Variants in MAP4K3 observed in about 807,000 individuals in gnomAD.
MAP4K3 encodes the protein MAPK/ERK kinase kinase kinase 3.
In MAP4K3, 94 loss-of-function variants were observed where a neutral mutation model predicts 143.5. That is an observed-to-expected ratio of 0.65 (90% confidence interval 0.55 to 0.78). MAP4K3 has a LOEUF of 0.78. MAP4K3 is among the 30% of genes least tolerant of loss of function. The probability of loss-of-function intolerance (pLI) is 0.00; values close to 1 mark genes in which losing one functional copy is unlikely to be tolerated. For synonymous variants in MAP4K3, 416 were observed against 347.2 expected, an observed-to-expected ratio of 1.20 and a Z score of -2.20; for missense variants, 1,077 against 1,068.1, an observed-to-expected ratio of 1.01 and a Z score of -0.12.
intron 24 of MAP4K3, among the ~76,000 whole-genome samples, chr2:39,277,384 G>C (rs932505874): frequency 3.3e-5 from 5 of 152,204 alleles, no homozygotes; most frequent in Non-Finnish European, 5.9e-5. Flanking sequence ...CCCCACAGGA[G>C]GTGCTGGTGA....
intron 14 of MAP4K3, among the ~76,000 whole-genome samples, chr2:39,309,081 T>C (rs867188863): frequency 1.3e-5 from 2 of 152,202 alleles, no homozygotes; most frequent in African/African-American, 4.8e-5. Context: ...ATTATGAATT[T>C]GAGAATTACT....
intron 12 of MAP4K3, among the ~76,000 whole-genome samples, chr2:39,317,276 G>A (rs1683142650): frequency 6.6e-6 from 1 of 152,118 alleles, no homozygotes; most frequent in Non-Finnish European, 1.5e-5. Context: ...ATGGATTACA[G>A]ACTTAAATGT....
chr2:39,250,810 G>T, intron 33 of MAP4K3, 105 bp from the exon 34 acceptor site: 1 of 812,136 alleles, frequency 1.2e-6, no homozygotes, highest in Non-Finnish European at 2.0e-6. Flanking sequence ...TATAAATGCT[G>T]CTCATTTGAT....
intron 1 of MAP4K3, among the ~76,000 whole-genome samples, chr2:39,417,611 G>C (rs1667421500): frequency 6.6e-6 from 1 of 152,194 alleles, no homozygotes; most frequent in African/African-American, 2.4e-5. Context: ...TAGATCAAGA[G>C]ATATCAGTTT....
intron 23 of MAP4K3, 142 bp downstream of exon 23, chr2:39,280,130 T>A (rs187673886): frequency 4.0e-5 from 20 of 498,632 alleles, no homozygotes; most frequent in Middle Eastern, 5.5e-4. Flanking sequence ...AAGAAACATA[T>A]TTACCTTAAA....
intron 18 of MAP4K3, 143 bp downstream of exon 18, chr2:39,292,630 T>C (rs1458640782): frequency 1.4e-6 from 1 of 723,164 alleles, no homozygotes; most frequent in Non-Finnish European, 2.5e-6. Flanking sequence ...GTAACTAGAA[T>C]AGAAAAAAGG....
chr2:39,282,458 A>C, intron 22 of MAP4K3, 55 bp downstream of exon 22: 1 of 1,394,742 alleles, frequency 7.2e-7, no homozygotes, highest in Non-Finnish European at 1.0e-6. Flanking sequence ...AAGCAAAGAT[A>C]ACACACACAA....
intron 16 of MAP4K3, 50 bp from the exon 17 acceptor site, chr2:39,293,318 G>T: frequency 1.8e-6 from 2 of 1,086,920 alleles, no homozygotes; most frequent in South Asian, 1.5e-5. Flanking sequence ...ATTATCAAAG[G>T]AATATCGAAT....
intron 1 of MAP4K3, among the ~76,000 whole-genome samples, chr2:39,424,007 G>T (rs926309003): frequency 1.3e-5 from 2 of 151,950 alleles, no homozygotes; most frequent in Admixed American, 6.6e-5. Flanking sequence ...GCAGTGGCAC[G>T]ATCTCAGCTC....
chr2:39,281,911 C>T (rs951785424), intron 22 of MAP4K3, among the ~76,000 whole-genome samples: 10 of 151,612 alleles, frequency 6.6e-5, no homozygotes, highest in East Asian at 1.9e-4. Flanking sequence ...AGGTAAAAAA[C>T]GGCAAGGCGT....
chr2:39,300,122 A>G lies in MAP4K3; in HGVS notation c.1120-321T>C, dbSNP rs564243326. Among the ~76,000 whole-genome samples the G allele has an allele frequency of 9.4e-4, 143 of 152,306 alleles. 1 individual carries two copies. The highest frequency in any genetic ancestry group is 3.1e-3 in the African/African-American group (128 of 41,582). ...CAAATAAGGTGTTTATTCTCCAGTT[A>G]TAATGAAGCAAAAACGTTCAGAGAA... On this transcript the variant is annotated intron_variant, in intron 15 of 33. Transcript: ENST00000263881.
chr2:39,330,591 C>T lies in MAP4K3; in HGVS notation c.530+1326G>A, dbSNP rs544943533. Among the ~76,000 whole-genome samples the T allele has an allele frequency of 9.3e-4, 142 of 152,070 alleles. 1 individual carries two copies. The highest frequency in any genetic ancestry group is 3.1e-3 in the African/African-American group (127 of 41,530). On this transcript the variant is annotated intron_variant, in intron 8 of 33. Transcript: ENST00000263881. ...GAGCTAGAGAATTCAACAGTCCAGGCTGGAACAGGAGGGAAAATGACTCCA... is the reference window on the plus strand; with the variant it reads ...GAGCTAGAGAATTCAACAGTCCAGGTTGGAACAGGAGGGAAAATGACTCCA...
intron 28 of MAP4K3, 42 bp downstream of exon 28, chr2:39,265,161 G>A (rs1227520560): frequency 7.9e-7 from 1 of 1,269,746 alleles, no homozygotes. Flanking sequence ...AGGTTGACAA[G>A]CTTTTATAGT....
rs371761735 is a variant in MAP4K3 at position 39,347,450 on chromosome 2, A to C, written c.246-3998T>G. On this transcript the variant is annotated intron_variant, in intron 3 of 33. Coordinates refer to ENST00000263881, the MANE Select transcript of MAP4K3 (RefSeq NM_003618.4). ...CTAGGACTTCACACAGCTTACAAAAAACAGGTTGAATGACTGTTCTGGGGT... is the reference window on the plus strand; with the variant it reads ...CTAGGACTTCACACAGCTTACAAAACACAGGTTGAATGACTGTTCTGGGGT... 4.6e-5 allele frequency among the ~76,000 whole-genome samples: 7 copies of C among 152,324 alleles called. No individual in the cohort carries two copies. In the East Asian group the frequency reaches 1.4e-3, roughly 29 times the overall value.
chr2:39,269,151 T>C (rs1680906299), intron 26 of MAP4K3, among the ~76,000 whole-genome samples: 1 of 152,016 alleles, frequency 6.6e-6, no homozygotes, highest in Non-Finnish European at 1.5e-5. Context: ...TATATAAAAT[T>C]GTACAGCACA....
chr2:39,401,220 G>A (rs1039634933), intron 1 of MAP4K3, among the ~76,000 whole-genome samples: 11 of 152,054 alleles, frequency 7.2e-5, no homozygotes, highest in African/African-American at 2.4e-4. Context: ...AGGAAGGGGA[G>A]GGGGGTGTCC....
At chr2:39,298,113 T>G (rs1682356425) in intron 16 of MAP4K3, among the ~76,000 whole-genome samples, 2 of 152,038 alleles carry the variant, frequency 1.3e-5, no homozygotes, top group Non-Finnish European at 2.9e-5. Context: ...ACACTAAAAT[T>G]TACTAACAAG....
intron 21 of MAP4K3, among the ~76,000 whole-genome samples, chr2:39,283,282 G>A (rs539220644): frequency 6.6e-6 from 1 of 152,278 alleles, no homozygotes; most frequent in South Asian, 2.1e-4. Context: ...ATGTATGAGA[G>A]CTCCTGGTTC....
At chr2:39,416,087 G>T (rs1169807529) in intron 1 of MAP4K3, among the ~76,000 whole-genome samples, 1 of 142,934 alleles carries the variant, frequency 7.0e-6, no homozygotes, top group South Asian at 2.2e-4. Context: ...CATACTAACT[G>T]GGTAACTCAT....
Sources: gnomAD v4.1 joint callset for allele counts (sites outside exome capture counted in the v4.1 genomes callset) on GRCh38, gnomAD v4.1.1 for gene constraint, MANE v1.5 for transcripts, NCBI Gene and HGNC (gene_info 2026-07-23, HGNC 2026-07-21) for gene names.